The following UNKL variants were observed in gnomAD, a reference collection of about 807,000 sequenced individuals.
UNKL encodes unk like zinc finger, also known as putative E3 ubiquitin-protein ligase UNKL.
Under a neutral mutation model 78.0 loss-of-function variants are expected in UNKL, and 60 were observed. The ratio of observed to expected loss-of-function variants is 0.77; its 90% CI spans 0.63 to 0.95. The LOEUF (loss-of-function observed/expected upper bound fraction) is 0.95. UNKL is among the 40% of genes least tolerant of loss of function. The probability of loss-of-function intolerance (pLI) is 0.00; values close to 1 mark genes in which losing one functional copy is unlikely to be tolerated. For missense variants in UNKL, 1,159 were observed against 1,045.7 expected, an observed-to-expected ratio of 1.11 and a Z score of -1.49; for synonymous variants, 608 against 474.8, an observed-to-expected ratio of 1.28 and a Z score of -3.65.
Position 1,364,324 on chromosome 16 carries a change from T to A in UNKL, c.*1916A>T. On this transcript the variant is annotated 3_prime_UTR_variant, in exon 15 of 15. Coordinates refer to ENST00000389221, the MANE Select transcript of UNKL (RefSeq NM_001372107.1). ...AACAGTTCTTAAACCACCTACTATA[T>A]TAAATACATTCTAATTTGGTCACTG... 6.6e-6 allele frequency: 1 copy of A among 152,226 alleles called. No individual in the cohort carries two copies. Among genetic ancestry groups the A allele is most frequent in the Non-Finnish European group, 1.5e-5 (1 of 68,042 alleles). 9.4% of individuals were successfully genotyped at this position (152,226 alleles called of 1,614,324 possible).
chr16:1,369,553 G>C (rs1003668604), intron 12 of UNKL, among the ~76,000 whole-genome samples: 19 of 152,100 alleles, frequency 1.2e-4, no homozygotes, highest in Admixed American at 3.3e-4. Flanking sequence ...ATTTTTAGTA[G>C]AGATGGGGTT....
chr16:1,399,273 G>A lies in UNKL; in HGVS notation c.734+101C>T. ...CTCCCGGGGATGATGGTGCCACAAGGGCAGCCCTCCCATTAGAACCCCGGG... is the reference window on the plus strand; with the variant it reads ...CTCCCGGGGATGATGGTGCCACAAGAGCAGCCCTCCCATTAGAACCCCGGG... On this transcript the variant is annotated intron_variant, in intron 5 of 14. Transcript: ENST00000389221. This position sits in a 1 kb window ranked among gnomAD's most constrained non-coding sequence, Gnocchi z 5.8. The A allele has an allele frequency of 1.4e-6, 2 of 1,424,522 alleles. No homozygotes were observed. The highest frequency in any genetic ancestry group is 1.8e-6 in the Non-Finnish European group (2 of 1,089,134). 88.2% of individuals were successfully genotyped at this position (1,424,522 alleles called of 1,614,324 possible). A position where few individuals can be genotyped will look rare whatever the true frequency, so the allele number is the denominator to read the frequency against.
intron 6 of UNKL, 23 bp downstream of exon 6, chr16:1,397,155 C>A (rs781043961): frequency 4.5e-6 from 7 of 1,544,800 alleles, no homozygotes; most frequent in Non-Finnish European, 6.1e-6. Flanking sequence ...GACCCCTACG[C>A]CTGGGGGGTT....
chr16:1,380,672 G>GTTTTTTTTTTTTTTTTT (rs1567215031), intron 10 of UNKL, among the ~76,000 whole-genome samples: 1 of 32,940 alleles, frequency 3.0e-5, no homozygotes, highest in African/African-American at 1.1e-4. Context: ...GCTGGTTCAG[G>GTTTTTTTTTTTTTTTTT]ATTTTTTTTT....
chr16:1,370,199 G>T lies in UNKL; in HGVS notation c.1516C>A (p.Gln506Lys). The T allele has an allele frequency of 6.6e-7, 1 of 1,523,856 alleles. No homozygotes were observed. Among genetic ancestry groups the T allele is most frequent in the Non-Finnish European group, 8.8e-7 (1 of 1,132,776 alleles). 94.4% of individuals were successfully genotyped at this position (1,523,856 alleles called of 1,614,324 possible). The change falls in exon 12 of 15, where the codon CAG becomes AAG. Residue 506 changes from glutamine (Q) to lysine (K), a missense_variant. Transcript: ENST00000389221. The stretch of plus-strand genomic sequence containing the variant: ...TCTGAACGCAGGGGTGGCGGCTGCT[G>T]GGGAGGCGTCATGGCTGAGGAGCCC... The part of the protein sequence containing the change: ...PVGSSAMTPP[Q>K]QPPPLRSEPG...
intron 2 of UNKL, chr16:1,406,218 A>ATT (rs11410204): frequency 0.043 from 12,665 of 291,586 alleles, 12 homozygotes; most frequent in South Asian, 0.077. Context: ...TATATTGCTA[A>ATT]TTTTTTTTTT....
Position 1,403,348 on chromosome 16 carries a change from G to A in UNKL, c.288-4C>T. ...CGTCCGGTGCAGGTAGGGACACCTGGGGAGCAGAGAGGCACGCAATGCCTG... is the reference window on the plus strand; with the variant it reads ...CGTCCGGTGCAGGTAGGGACACCTGAGGAGCAGAGAGGCACGCAATGCCTG... On this transcript the variant is annotated splice_polypyrimidine_tract_variant and splice_region_variant and intron_variant, in intron 2 of 14. Coordinates refer to ENST00000389221, the MANE Select transcript of UNKL (RefSeq NM_001372107.1). This position sits in a 1 kb window ranked among gnomAD's most constrained non-coding sequence, Gnocchi z 4.8. The A allele has an allele frequency of 6.2e-7, 1 of 1,613,880 alleles. No homozygotes were observed. The highest frequency in any genetic ancestry group is 8.5e-7 in the Non-Finnish European group (1 of 1,179,862).
chr16:1,368,078 C>CGA, intron 12 of UNKL: 8 of 585,522 alleles, frequency 1.4e-5, no homozygotes, highest in South Asian at 6.2e-5. Flanking sequence ...GGCCGGTCTC[C>CGA]CCACCAGATC....
intron 11 of UNKL, 85 bp from the exon 12 acceptor site, chr16:1,370,442 G>C: frequency 6.8e-7 from 1 of 1,468,118 alleles, no homozygotes; most frequent in Non-Finnish European, 9.0e-7. Context: ...GTGGAAGACG[G>C]ACCCTGCAGG....
At chr16:1,394,588 C>T (rs1172585933) in intron 6 of UNKL, 3 of 450,288 alleles carry the variant, frequency 6.7e-6, no homozygotes, top group African/African-American at 5.9e-5. Flanking sequence ...CTGATCAGAC[C>T]CACTGACCCT....
chr16:1,379,773 T>G, intron 10 of UNKL: 2 of 855,500 alleles, frequency 2.3e-6, no homozygotes, highest in Non-Finnish European at 2.8e-6. Context: ...CCCCCCGCGC[T>G]GCCCTCCCCC....
rs764539894 is a variant in UNKL, at chr16:1,403,087, G to A, written c.464+81C>T. ...AGAGCCTGCAGCAGCAGGGAGGCGA[G>A]CCACTTGCCGAGTTCCTGCTCATCC... On this transcript the variant is annotated intron_variant, in intron 3 of 14. Coordinates refer to ENST00000389221, the MANE Select transcript of UNKL (RefSeq NM_001372107.1). The surrounding 1 kb of genome is among the most constrained non-coding windows in gnomAD (Gnocchi z 4.8). 6.8e-7 allele frequency: 1 copy of A among 1,468,056 alleles called. No homozygotes were observed. Among genetic ancestry groups the A allele is most frequent in the Non-Finnish European group, 9.1e-7 (1 of 1,101,728 alleles). The allele number at this position is 1,468,056 out of a possible 1,614,324, so 90.9% of individuals were successfully genotyped here.
At chr16:1,389,611 A>G (rs1350316925) in intron 9 of UNKL, among the ~76,000 whole-genome samples, 1 of 152,034 alleles carries the variant, frequency 6.6e-6, no homozygotes, top group Admixed American at 6.6e-5. Context: ...CAACAGCAAC[A>G]ATGAAATGAG....
chr16:1,393,125 G>A (rs913756210), intron 7 of UNKL, 149 bp from the exon 8 acceptor site: 2 of 781,766 alleles, frequency 2.6e-6, no homozygotes, highest in Admixed American at 4.4e-5. Context: ...CTGGGCAGTG[G>A]TGGGGACACT....
chr16:1,402,780 C>T (rs1360495652), intron 3 of UNKL, among the ~76,000 whole-genome samples: 2 of 150,972 alleles, frequency 1.3e-5, no homozygotes, highest in South Asian at 2.1e-4. Flanking sequence ...GTCAGGAAAT[C>T]GAGACCATCC....
rs1011735277 is a variant in UNKL, at chr16:1,399,068, G to A, written c.734+306C>T. On this transcript the variant is annotated intron_variant, in intron 5 of 14. Transcript: ENST00000389221. This position sits in a 1 kb window ranked among gnomAD's most constrained non-coding sequence, Gnocchi z 5.8. ...AACCAGAGGCACGGGTGGGGCACAC[G>A]GGGGTCCCAGCTGGGCTTGGGGTCC... The A allele has an allele frequency of 5.1e-6, 7 of 1,364,616 alleles. No individual in the cohort carries two copies. Among genetic ancestry groups the A allele is most frequent in the Admixed American group, 2.8e-5 (1 of 35,596 alleles). 84.5% of individuals were successfully genotyped at this position (1,364,616 alleles called of 1,614,324 possible).
At chr16:1,402,602 G>A (rs1201406120) in intron 3 of UNKL, among the ~76,000 whole-genome samples, 9 of 152,124 alleles carry the variant, frequency 5.9e-5, no homozygotes, top group Non-Finnish European at 4.4e-5. Flanking sequence ...GGTAGACGTT[G>A]CAGTGAGCCA....
chr16:1,414,697 G>T lies in UNKL; in HGVS notation c.-6C>A. The T allele has an allele frequency of 7.9e-6, 9 of 1,135,776 alleles. No individual in the cohort carries two copies. The highest frequency in any genetic ancestry group is 9.8e-6 in the Non-Finnish European group (9 of 915,572). The allele number at this position is 1,135,776 out of a possible 1,614,324, so 70.4% of individuals were successfully genotyped here. ...GCTTTCGAAACCGACGGCATTTTCAGTCAAAACAATGCAGCGCGCATGCGC... is the reference window on the plus strand; with the variant it reads ...GCTTTCGAAACCGACGGCATTTTCATTCAAAACAATGCAGCGCGCATGCGC... On this transcript the variant is annotated 5_prime_UTR_variant, in exon 1 of 15. In the 5' UTR this introduces an upstream ATG that the reference lacks. Coordinates refer to ENST00000389221, the MANE Select transcript of UNKL (RefSeq NM_001372107.1).
chr16:1,414,176 C>T, intron 1 of UNKL, 121 bp from the exon 2 acceptor site: 1 of 982,782 alleles, frequency 1.0e-6, no homozygotes, highest in Non-Finnish European at 1.5e-6. Context: ...TACTCACATT[C>T]CCGGCGGGCC....
Sources: allele counts gnomAD v4.1 joint callset (sites outside exome capture counted in the v4.1 genomes callset), GRCh38; gene constraint gnomAD v4.1.1; non-coding constraint Gnocchi (gnomAD v3.1); transcripts MANE v1.5; gene names NCBI Gene and HGNC (gene_info 2026-07-23, HGNC 2026-07-21).